UBR1: variants seen among roughly 807,000 people sequenced by gnomAD.
UBR1 encodes the protein ubiquitin protein ligase E3 component n-recognin 1, also known as E3 ubiquitin-protein ligase UBR1.
UBR1 carries 102 observed loss-of-function variants against 242.1 expected under a neutral mutation model. The ratio of observed to expected loss-of-function variants is 0.42; its 90% CI spans 0.36 to 0.50. The LOEUF (loss-of-function observed/expected upper bound fraction) is 0.50, where lower values mean the gene tolerates loss of function less well. UBR1 is among the 20% of genes least tolerant of loss of function. UBR1 has a pLI of 0.01. For missense variants in UBR1, 1,772 were observed against 2,101.8 expected (o/e 0.84, Z 3.07); for synonymous variants, 675 against 684.8 (o/e 0.99, Z 0.22).
chr15:43,093,506 C>A (rs1386366026), intron 1 of UBR1, among the ~76,000 whole-genome samples: 1 of 152,158 alleles, frequency 6.6e-6, no homozygotes, highest in African/African-American at 2.4e-5. Context: ...AGCAACCAGG[C>A]ACAATGGCTC....
At chr15:43,098,615 A>T (rs2034189233) in intron 1 of UBR1, among the ~76,000 whole-genome samples, 1 of 152,216 alleles carries the variant, frequency 6.6e-6, no homozygotes, top group Non-Finnish European at 1.5e-5. Context: ...GTTTGGTATT[A>T]TAAGAAGTCA....
chr15:43,071,071 G>T, intron 4 of UBR1, 146 bp from the exon 5 acceptor site: 1 of 1,160,906 alleles, frequency 8.6e-7, no homozygotes, highest in Non-Finnish European at 1.2e-6. Context: ...CAAGAGGGTT[G>T]CTATATATTT....
At chr15:42,990,335 G>A (rs1179922932) in intron 33 of UBR1, among the ~76,000 whole-genome samples, 2 of 152,080 alleles carry the variant, frequency 1.3e-5, no homozygotes, top group Middle Eastern at 3.2e-3. Context: ...CACCATGCCT[G>A]CCTAGTTTTT....
intron 21 of UBR1, 31 bp from the exon 22 acceptor site, chr15:43,027,859 CT>C (rs1415214134): frequency 1.3e-6 from 2 of 1,564,038 alleles, no homozygotes; most frequent in African/African-American, 2.7e-5. Context: ...TCATTTTTAC[CT>C]TCATATAATG....
chr15:43,038,113 A>T (rs181462353), intron 16 of UBR1, 58 bp downstream of exon 16: 48 of 1,582,388 alleles, frequency 3.0e-5, no homozygotes, highest in Non-Finnish European at 4.2e-5. Context: ...TCGTCCATCA[A>T]CCAAGAGATA....
chr15:42,992,689 C>T lies in UBR1; in HGVS notation c.3758-2569G>A, dbSNP rs116044870. Among the ~76,000 whole-genome samples, 1,367 of 152,096 alleles carry T rather than the reference C, an allele frequency of 9.0e-3. 17 individuals carry two copies. Among genetic ancestry groups the T allele is most frequent in the African/African-American group, 0.031 (1,300 of 41,484 alleles). Reference sequence around the variant, plus strand: ...TGTGGACCTCAAAAATATGAGAGTCCCCTTCTATAGTTCTCTCCTCTTGGG... The same window carrying T: ...TGTGGACCTCAAAAATATGAGAGTCTCCTTCTATAGTTCTCTCCTCTTGGG... On this transcript the variant is annotated intron_variant, in intron 33 of 46. Transcript: ENST00000290650.
At chr15:42,972,618 G>A (rs910220966) in intron 39 of UBR1, among the ~76,000 whole-genome samples, 36 of 152,202 alleles carry the variant, frequency 2.4e-4, no homozygotes, top group East Asian at 2.1e-3. Flanking sequence ...TGATCCACCC[G>A]TCTTGTCCTC....
At chr15:42,968,604 G>T (rs1422760787) in intron 40 of UBR1, among the ~76,000 whole-genome samples, 1 of 151,914 alleles carries the variant, frequency 6.6e-6, no homozygotes, top group Admixed American at 6.6e-5. Flanking sequence ...GTGTCATGGT[G>T]GAGGTTTGCT....
chr15:43,014,391 A>C (rs2032976868), intron 29 of UBR1, among the ~76,000 whole-genome samples: 1 of 150,608 alleles, frequency 6.6e-6, no homozygotes, highest in Non-Finnish European at 1.5e-5. Context: ...CAGTCTGGAA[A>C]GTGAGGAGCA....
chr15:42,985,024 T>C, intron 35 of UBR1, 82 bp from the exon 36 acceptor site: 1 of 1,096,726 alleles, frequency 9.1e-7, no homozygotes. Context: ...AAATGTTCTT[T>C]AATAATATTT....
At chr15:42,962,943 T>C (rs2032047023) in intron 42 of UBR1, among the ~76,000 whole-genome samples, 1 of 152,096 alleles carries the variant, frequency 6.6e-6, no homozygotes, top group Non-Finnish European at 1.5e-5. Flanking sequence ...AGAGAAGACT[T>C]TCAGACAAGG....
intron 44 of UBR1, among the ~76,000 whole-genome samples, chr15:42,956,745 T>A (rs2031928265): frequency 6.6e-6 from 1 of 152,222 alleles, no homozygotes; most frequent in South Asian, 2.1e-4. Context: ...TTCCCCAATG[T>A]CATGGCAGGT....
chr15:43,057,132 T>C (rs975578838), intron 10 of UBR1, among the ~76,000 whole-genome samples: 1 of 152,184 alleles, frequency 6.6e-6, no homozygotes, highest in African/African-American at 2.4e-5. Flanking sequence ...AGTAGGGAGA[T>C]TAGCTTTTGT....
intron 44 of UBR1, among the ~76,000 whole-genome samples, chr15:42,953,546 G>A (rs536017950): frequency 6.6e-6 from 1 of 152,210 alleles, no homozygotes; most frequent in African/African-American, 2.4e-5. Context: ...CTTCCGGGAG[G>A]TTGCTCCAGA....
intron 7 of UBR1, 91 bp from the exon 8 acceptor site, chr15:43,059,916 C>A: frequency 1.3e-6 from 2 of 1,560,968 alleles, no homozygotes; most frequent in Non-Finnish European, 8.8e-7. Flanking sequence ...ATCACATAAC[C>A]CTGCCAGTTC....
In UBR1 at chr15:43,106,019, C is replaced by A; in HGVS notation, c.4G>T (p.Ala2Ser). The A allele has an allele frequency of 6.2e-7, 1 of 1,611,648 alleles. No homozygotes were observed. Among genetic ancestry groups the A allele is most frequent in the South Asian group, 1.1e-5 (1 of 90,636 alleles). Residue 2 changes from alanine (A) to serine (S), a missense_variant, in exon 1 of 47, where the codon GCG (alanine) becomes TCG (serine). Coordinates refer to ENST00000290650, the MANE Select transcript of UBR1 (RefSeq NM_174916.3). ...TCAGTACCTCCAGCCTCCTCGTCCG[C>A]CATCTTGAGGGAAACTGACGCCTGC... MADEEAGGTERM... is the reference protein window; with the variant it reads MSDEEAGGTERM...
At chr15:42,949,188 C>T (rs1727913484) in intron 46 of UBR1, among the ~76,000 whole-genome samples, 1 of 147,308 alleles carries the variant, frequency 6.8e-6, no homozygotes, top group Admixed American at 7.0e-5. Flanking sequence ...GACAAAAAAC[C>T]AAACACCATA....
intron 40 of UBR1, 33 bp downstream of exon 40, chr15:42,970,487 T>C: frequency 6.3e-7 from 1 of 1,585,626 alleles, no homozygotes; most frequent in Non-Finnish European, 8.6e-7. Context: ...ATGGAATTAT[T>C]ACAATAGACT....
chr15:42,987,409 G>A (rs1013629839), intron 35 of UBR1, among the ~76,000 whole-genome samples: 3 of 152,178 alleles, frequency 2.0e-5, no homozygotes, highest in African/African-American at 7.2e-5. Flanking sequence ...ATGTAGGAAG[G>A]CTTTGGGAAA....
Sources: gnomAD v4.1 joint callset for allele counts (sites outside exome capture counted in the v4.1 genomes callset) on GRCh38, gnomAD v4.1.1 for gene constraint, MANE v1.5 for transcripts, NCBI Gene and HGNC (gene_info 2026-07-23, HGNC 2026-07-21) for gene names.